SYN2: variants seen among roughly 807,000 people sequenced by gnomAD.
The protein encoded by SYN2 is synapsin II, also known as synapsin-2.
SYN2 carries 19 observed loss-of-function variants against 50.9 expected under a neutral mutation model. The observed-to-expected ratio is 0.37, with a 90% CI of 0.26 to 0.55. The LOEUF is 0.55. SYN2 is among the 20% of genes least tolerant of loss of function. The probability of loss-of-function intolerance (pLI) is 0.81; values close to 1 mark genes in which losing one functional copy is unlikely to be tolerated. For missense variants in SYN2, 587 were observed against 576.4 expected, an observed-to-expected ratio of 1.02 and a Z score of -0.19; for synonymous variants, 255 against 224.9, an observed-to-expected ratio of 1.13 and a Z score of -1.20.
At chr3:12,050,212 T>C (rs1000391634) in intron 1 of SYN2, among the ~76,000 whole-genome samples, 13 of 152,118 alleles carry the variant, frequency 8.5e-5, no homozygotes, top group Admixed American at 2.0e-4. Flanking sequence ...CGACAGTTCT[T>C]AGACTGTTAA....
chr3:12,132,154 A>G (rs1696810055), intron 1 of SYN2, among the ~76,000 whole-genome samples: 1 of 151,364 alleles, frequency 6.6e-6, no homozygotes, highest in Non-Finnish European at 1.5e-5. Context: ...CTGCAGGCAC[A>G]TGCCATAGCA....
intron 1 of SYN2, among the ~76,000 whole-genome samples, chr3:12,010,583 A>G (rs1184154480): frequency 6.6e-6 from 1 of 152,254 alleles, no homozygotes; most frequent in Non-Finnish European, 1.5e-5. Flanking sequence ...GTATTCTTAG[A>G]TAAACCACTT....
chr3:12,150,321 C>G (rs1028849728), intron 4 of SYN2, among the ~76,000 whole-genome samples: 5 of 152,126 alleles, frequency 3.3e-5, no homozygotes, highest in African/African-American at 4.8e-5. Context: ...GCAGGAAAGT[C>G]CTGTATTTCC....
intron 1 of SYN2, among the ~76,000 whole-genome samples, chr3:12,098,600 AT>A (rs1403523738): frequency 6.6e-6 from 1 of 151,948 alleles, no homozygotes; most frequent in Admixed American, 6.6e-5. Flanking sequence ...TTTAAATGGT[AT>A]AGTAGAAAAT....
At chr3:12,035,447 T>A (rs914541343) in intron 1 of SYN2, among the ~76,000 whole-genome samples, 5 of 152,228 alleles carry the variant, frequency 3.3e-5, no homozygotes, top group Non-Finnish European at 7.3e-5. Flanking sequence ...CATTGAGATT[T>A]GCAGCGAGAG....
chr3:12,036,340 C>A (rs1231547445), intron 1 of SYN2, among the ~76,000 whole-genome samples: 1 of 152,186 alleles, frequency 6.6e-6, no homozygotes, highest in East Asian at 1.9e-4. Flanking sequence ...AGGACATCTG[C>A]AACATCCTTT....
At chr3:12,012,568 A>G (rs1693933762) in intron 1 of SYN2, among the ~76,000 whole-genome samples, 1 of 152,206 alleles carries the variant, frequency 6.6e-6, no homozygotes, top group East Asian at 1.9e-4. Flanking sequence ...TCAATCCTGA[A>G]TTTTGCTGTA....
chr3:12,179,020 G>A (rs1233406544), intron 10 of SYN2, among the ~76,000 whole-genome samples: 1 of 152,160 alleles, frequency 6.6e-6, no homozygotes, highest in Non-Finnish European at 1.5e-5. Flanking sequence ...GGGCATTTGT[G>A]ACTCTATATC....
chr3:12,055,606 A>G (rs1222087068), intron 1 of SYN2, among the ~76,000 whole-genome samples: 2 of 152,222 alleles, frequency 1.3e-5, no homozygotes, highest in East Asian at 1.9e-4. Flanking sequence ...AACATGGTAT[A>G]TCCCACCAAC....
chr3:12,141,574 A>G (rs1458982572), intron 2 of SYN2, among the ~76,000 whole-genome samples: 1 of 152,202 alleles, frequency 6.6e-6, no homozygotes, highest in Non-Finnish European at 1.5e-5. Flanking sequence ...CTCAGTCCAC[A>G]TTCTCGCTCT....
chr3:12,023,448 C>T (rs995803108), intron 1 of SYN2, among the ~76,000 whole-genome samples: 3 of 151,932 alleles, frequency 2.0e-5, no homozygotes, highest in African/African-American at 7.2e-5. Context: ...AGCTTTTCAT[C>T]ATGTTAAATG....
chr3:12,084,372 C>G (rs906818314), intron 1 of SYN2, among the ~76,000 whole-genome samples: 4 of 152,202 alleles, frequency 2.6e-5, no homozygotes, highest in East Asian at 1.9e-4. Context: ...TAAACAGATT[C>G]TTTCCTCCTG....
chr3:12,151,064 T>G (rs1033581395), intron 4 of SYN2, among the ~76,000 whole-genome samples, 173 bp from the exon 5 acceptor site: 7 of 152,372 alleles, frequency 4.6e-5, no homozygotes, highest in Admixed American at 2.0e-4. Context: ...CTTCCCCAAC[T>G]AATGCGTATC....
chr3:12,099,968 A>AAAG (rs1696033072), intron 1 of SYN2, among the ~76,000 whole-genome samples: 1 of 57,016 alleles, frequency 1.8e-5, no homozygotes, highest in Non-Finnish European at 4.3e-5. Context: ...CTGTCTCAAA[A>AAAG]AAAAAAGAAA....
At chr3:12,099,199 C>A (rs1161301024) in intron 1 of SYN2, among the ~76,000 whole-genome samples, 1 of 152,076 alleles carries the variant, frequency 6.6e-6, no homozygotes, top group Non-Finnish European at 1.5e-5. Context: ...ATTTGAACAA[C>A]ACCAAAGCCA....
intron 1 of SYN2, among the ~76,000 whole-genome samples, chr3:12,124,385 G>A (rs978639067): frequency 4.6e-5 from 7 of 152,062 alleles, no homozygotes; most frequent in Admixed American, 3.3e-4. Context: ...GTTATGTTTA[G>A]GTAAGTAAAG....
Position 12,091,662 on chromosome 3 carries a change from A to T in SYN2, c.378-48989A>T, listed in dbSNP as rs574789881. Among the ~76,000 whole-genome samples the T allele has an allele frequency of 2.4e-4, 36 of 152,254 alleles. No individual in the cohort carries two copies. The South Asian group carries it at 7.1e-3, about 30-fold the overall frequency. ...GGGGTATTTTTAAAATTTAAGTTGGATTATGGGTATTATTTATGCTAGTAA... is the reference window on the plus strand; with the variant it reads ...GGGGTATTTTTAAAATTTAAGTTGGTTTATGGGTATTATTTATGCTAGTAA... On this transcript the variant is annotated intron_variant, in intron 1 of 12. Transcript: ENST00000621198.
Position 12,162,106 on chromosome 3 carries a change from A to T in SYN2, c.932A>T (p.Lys311Met). Residue 311 changes from lysine to methionine, a missense_variant, in exon 7 of 13, where the codon AAG (lysine) becomes ATG (methionine). Lys to Met is a moderately conservative substitution (Grantham distance 95, BLOSUM62 -1). Coordinates refer to ENST00000621198, the MANE Select transcript of SYN2 (RefSeq NM_133625.6). Reference protein sequence around the residue: ...YATAEPFIDSKYDIRVQKIGN... With the variant: ...YATAEPFIDSMYDIRVQKIGN... ...ACTGCAGAGCCTTTCATTGACTCCA[A>T]GTATGACATCCGGGTCCAGAAGATT... is the stretch of plus-strand genomic sequence containing the variant. The T allele has an allele frequency of 5.0e-6, 8 of 1,614,144 alleles. No individual in the cohort carries two copies. The highest frequency in any genetic ancestry group is 6.8e-6 in the Non-Finnish European group (8 of 1,180,018).
intron 1 of SYN2, among the ~76,000 whole-genome samples, chr3:12,107,843 T>C (rs377442379): frequency 2.6e-5 from 4 of 152,226 alleles, no homozygotes; most frequent in African/African-American, 9.6e-5. Flanking sequence ...ATCATGTGAC[T>C]ATAGAAGTCC....
Sources: gnomAD v4.1 joint callset for allele counts (sites outside exome capture counted in the v4.1 genomes callset) on GRCh38, gnomAD v4.1.1 for gene constraint, MANE v1.5 for transcripts, NCBI Gene and HGNC (gene_info 2026-07-23, HGNC 2026-07-21) for gene names.